Variants in ERI3 observed in about 807,000 individuals in gnomAD.
ERI3 encodes ERI1 exoribonuclease family member 3.
A neutral mutation model predicts 44.4 loss-of-function variants in ERI3; 18 were observed. The observed-to-expected ratio is 0.41, with a 90% CI of 0.28 to 0.60. The LOEUF is 0.60. ERI3 is among the 20% of genes least tolerant of loss of function. The pLI is 0.36. For synonymous variants in ERI3, 183 were observed against 164.8 expected (o/e 1.11, Z -0.84); for missense variants, 294 against 435.5 (o/e 0.68, Z 2.89).
intron 6 of ERI3, among the ~76,000 whole-genome samples, chr1:44,285,971 A>G (rs1203116217): frequency 1.3e-5 from 2 of 152,216 alleles, no homozygotes; most frequent in Admixed American, 1.3e-4. Context: ...AGAAGCCAGT[A>G]GAGAGAAACA....
At chr1:44,283,240 C>T (rs80299175) in intron 7 of ERI3, among the ~76,000 whole-genome samples, 1,880 of 152,232 alleles carry the variant, frequency 0.012, 71 homozygotes, top group East Asian at 0.069. Flanking sequence ...AAGATGAATC[C>T]GTCAGCCAGC....
intron 8 of ERI3, chr1:44,242,007 C>T (rs1048749458): frequency 8.2e-5 from 81 of 985,590 alleles, no homozygotes; most frequent in Non-Finnish European, 9.5e-5. Context: ...TCTGGGGCTC[C>T]AAGGGGGTCA....
chr1:44,330,504 T>C (rs188768363), intron 3 of ERI3, among the ~76,000 whole-genome samples: 105 of 152,354 alleles, frequency 6.9e-4, no homozygotes, highest in African/African-American at 2.3e-3. Context: ...TCCAGATTTC[T>C]TCTTTCTGAT....
At chr1:44,354,016 A>G (rs1646947989) in intron 1 of ERI3, 1 of 985,302 alleles carries the variant, frequency 1.0e-6, no homozygotes, top group South Asian at 4.7e-5. Flanking sequence ...CAGGTATAAT[A>G]AACTAAGCTC....
intron 5 of ERI3, among the ~76,000 whole-genome samples, chr1:44,310,099 A>G (rs1645921672): frequency 6.6e-6 from 1 of 152,226 alleles, no homozygotes; most frequent in African/African-American, 2.4e-5. Flanking sequence ...TACCTACCAC[A>G]AAACAGGTAA....
chr1:44,319,369 TG>T (rs2154329074), intron 4 of ERI3, among the ~76,000 whole-genome samples: 1 of 152,364 alleles, frequency 6.6e-6, no homozygotes, highest in African/African-American at 2.4e-5. Flanking sequence ...ATTCTGCTCC[TG>T]GTCTCCAAGT....
At chr1:44,231,712 C>T (rs1453306994) in intron 8 of ERI3, among the ~76,000 whole-genome samples, 1 of 152,156 alleles carries the variant, frequency 6.6e-6, no homozygotes, top group Non-Finnish European at 1.5e-5. Flanking sequence ...GCCCACTACC[C>T]CTTCAAGTAA....
Position 44,228,609 on chromosome 1 carries a change from G to A in ERI3, c.932-6969C>T, listed in dbSNP as rs900337898. ...TTAAGGCAATCAAACACTTACCGCC[G>A]CTCCTGGAGGCCAGGCATGGAAATG... is the stretch of plus-strand genomic sequence containing the variant. On this transcript the variant is annotated intron_variant, in intron 8 of 8. Coordinates refer to ENST00000372257, the MANE Select transcript of ERI3 (RefSeq NM_024066.3). The surrounding 1 kb of genome is among the most constrained non-coding windows in gnomAD (Gnocchi z 4.3). 3.9e-5 allele frequency among the ~76,000 whole-genome samples: 6 copies of A among 152,130 alleles called. No individual in the cohort carries two copies. Among genetic ancestry groups the A allele is most frequent in the South Asian group, 2.1e-4 (1 of 4,820 alleles).
chr1:44,244,824 C>A (rs1310555592), intron 8 of ERI3, among the ~76,000 whole-genome samples: 1 of 152,164 alleles, frequency 6.6e-6, no homozygotes, highest in East Asian at 1.9e-4. Flanking sequence ...CACCCGTCAC[C>A]CCAAGTCTGC....
At chr1:44,233,771 C>T (rs1261253406) in intron 8 of ERI3, among the ~76,000 whole-genome samples, 1 of 152,204 alleles carries the variant, frequency 6.6e-6, no homozygotes, top group Admixed American at 6.5e-5. Flanking sequence ...GTAAACAAGT[C>T]TCCCTTTAAC....
At chr1:44,296,201 T>C (rs750866049) in intron 6 of ERI3, among the ~76,000 whole-genome samples, 1 of 152,188 alleles carries the variant, frequency 6.6e-6, no homozygotes, top group Non-Finnish European at 1.5e-5. Flanking sequence ...CAGCAGACAA[T>C]GGGGAGGAGA....
chr1:44,329,727 C>T (rs958483527), intron 3 of ERI3, among the ~76,000 whole-genome samples: 1 of 152,164 alleles, frequency 6.6e-6, no homozygotes, highest in African/African-American at 2.4e-5. Flanking sequence ...GGAATAACTA[C>T]CCACATTACC....
chr1:44,327,428 A>T (rs567442904), intron 3 of ERI3, among the ~76,000 whole-genome samples: 3 of 152,252 alleles, frequency 2.0e-5, no homozygotes, highest in Non-Finnish European at 4.4e-5. Context: ...AATAAGAGCT[A>T]ATACCTATAA....
chr1:44,226,204 T>TG (rs1201548072), intron 8 of ERI3, among the ~76,000 whole-genome samples: 2 of 150,228 alleles, frequency 1.3e-5, no homozygotes, highest in Non-Finnish European at 3.0e-5. Context: ...ATCAGATGGG[T>TG]GGGGGGATGA....
intron 8 of ERI3, among the ~76,000 whole-genome samples, chr1:44,232,184 T>A (rs540687928): frequency 6.6e-6 from 1 of 152,180 alleles, no homozygotes; most frequent in South Asian, 2.1e-4. Flanking sequence ...TGATACAGAA[T>A]GTAAAGGCAG....
chr1:44,226,560 G>A lies in ERI3; in HGVS notation c.932-4920C>T, dbSNP rs979571831. Among the ~76,000 whole-genome samples the A allele has an allele frequency of 3.9e-5, 6 of 152,066 alleles. No individual in the cohort carries two copies. The East Asian group carries it at 5.8e-4, about 15-fold the overall frequency. On this transcript the variant is annotated intron_variant, in intron 8 of 8. Coordinates refer to ENST00000372257, the MANE Select transcript of ERI3 (RefSeq NM_024066.3). ...GTGGGGGAAGTGGATGGAGGTAAGA[G>A]AATTTTTAGGAAATAGAACGAGCAG... is the stretch of plus-strand genomic sequence containing the variant.
At position 44,221,456 on chromosome 1, in the gene ERI3, C is replaced by T; in HGVS notation, c.*102G>A. ...AGGGCAGCTGGGGACACTCTGGACA[C>T]AGAGCTATGCCACTCTCCCTCTTCC... On this transcript the variant is annotated 3_prime_UTR_variant, in exon 9 of 9. Coordinates refer to ENST00000372257, the MANE Select transcript of ERI3 (RefSeq NM_024066.3). This position sits in a 1 kb window ranked among gnomAD's most constrained non-coding sequence, Gnocchi z 5.9. The T allele has an allele frequency of 3.0e-6, 3 of 988,438 alleles. No individual in the cohort carries two copies. Among genetic ancestry groups the T allele is most frequent in the East Asian group, 4.9e-5 (2 of 40,754 alleles). 61.2% of individuals were successfully genotyped at this position (988,438 alleles called of 1,614,324 possible).
intron 8 of ERI3, among the ~76,000 whole-genome samples, chr1:44,229,526 G>A (rs1318566346): frequency 2.6e-5 from 4 of 152,180 alleles, no homozygotes; most frequent in African/African-American, 9.6e-5. Context: ...ATTGGGATCA[G>A]ATAAAGAGGG....
chr1:44,257,910 G>T (rs1413785873), intron 7 of ERI3, among the ~76,000 whole-genome samples: 1 of 152,302 alleles, frequency 6.6e-6, no homozygotes, highest in Admixed American at 6.5e-5. Flanking sequence ...CCACTGGGAT[G>T]TTCCTCCATT....
Sources: gnomAD v4.1 joint callset for allele counts (sites outside exome capture counted in the v4.1 genomes callset) on GRCh38, gnomAD v4.1.1 for gene constraint, Gnocchi (gnomAD v3.1) non-coding constraint, MANE v1.5 for transcripts, NCBI Gene and HGNC (gene_info 2026-07-23, HGNC 2026-07-21) for gene names.